Variants in IL1RL2 observed in about 807,000 individuals in gnomAD.
The protein encoded by IL1RL2 is interleukin 1 receptor like 2, also known as interleukin-1 receptor-like 2.
In IL1RL2, 68 loss-of-function variants were observed where a neutral mutation model predicts 66.8. The ratio of observed to expected loss-of-function variants is 1.02; its 90% confidence interval spans 0.84 to 1.25. The LOEUF is 1.25. Ranked by LOEUF, IL1RL2 falls within the 50% of genes most tolerant of loss-of-function variation. The pLI, the probability that IL1RL2 is intolerant of heterozygous loss-of-function variation, is 0.00. For synonymous variants in IL1RL2, 305 were observed against 264.6 expected (o/e 1.15, Z -1.48); for missense variants, 729 against 709.3 (o/e 1.03, Z -0.32).
intron 3 of IL1RL2, among the ~76,000 whole-genome samples, chr2:102,189,712 G>C (rs1451271354): frequency 1.3e-5 from 2 of 152,188 alleles, no homozygotes; most frequent in Non-Finnish European, 2.9e-5. Context: ...CCGCCTCCCA[G>C]GTTCAAGTGA....
intron 5 of IL1RL2, among the ~76,000 whole-genome samples, chr2:102,203,906 A>G (rs528989729): frequency 3.3e-5 from 5 of 150,112 alleles, no homozygotes; most frequent in Admixed American, 2.0e-4. Context: ...TTTCAATTTC[A>G]TTTATTTCTT....
rs765158957 is a variant in IL1RL2, at chr2:102,191,892, A to G, written c.294-33A>G. On this transcript the variant is annotated intron_variant, in intron 3 of 11. Transcript: ENST00000264257. ...ATTATTTGATTTTGTGATTTGTTTT[A>G]AAGAGTTTATGAGGTCTCAATCTGT... 7.2e-6 allele frequency: 10 copies of G among 1,380,042 alleles called. 1 individual carries two copies. Among genetic ancestry groups the G allele is most frequent in the Non-Finnish European group, 1.0e-5 (10 of 997,584 alleles). 85.5% of individuals were successfully genotyped at this position (1,380,042 alleles called of 1,614,324 possible). A position where few individuals can be genotyped will look rare whatever the true frequency, so the allele number is the denominator to read the frequency against.
At chr2:102,219,666 C>A (rs577958003) in intron 7 of IL1RL2, among the ~76,000 whole-genome samples, 118 of 152,220 alleles carry the variant, frequency 7.8e-4, no homozygotes, top group African/African-American at 2.8e-3. Context: ...CTGTAGCTAA[C>A]AGAACCATAC....
At chr2:102,196,257 G>C (rs1419082020) in intron 4 of IL1RL2, among the ~76,000 whole-genome samples, 1 of 152,052 alleles carries the variant, frequency 6.6e-6, no homozygotes, top group Non-Finnish European at 1.5e-5. Context: ...CATGGGTGGC[G>C]CTTAGATGCC....
intron 4 of IL1RL2, among the ~76,000 whole-genome samples, chr2:102,196,066 T>C (rs7560478): frequency 0.15 from 23,534 of 151,978 alleles, 2,264 homozygotes; most frequent in Admixed American, 0.29. Context: ...TTTGTATAAG[T>C]CCTCTGCTTT....
At chr2:102,229,878 T>A (rs1022945628) in intron 9 of IL1RL2, among the ~76,000 whole-genome samples, 2 of 152,222 alleles carry the variant, frequency 1.3e-5, no homozygotes, top group Admixed American at 6.5e-5. Context: ...CAAGTACCTA[T>A]ATCCTCAGAC....
chr2:102,241,802 G>A (rs191988143), downstream of IL1RL2, among the ~76,000 whole-genome samples: 115 of 152,332 alleles, frequency 7.5e-4, no homozygotes, highest in African/African-American at 2.7e-3. Flanking sequence ...GTGTATCACC[G>A]GCTGGGTATT....
In IL1RL2 at chr2:102,235,091, C is replaced by A; in HGVS notation, c.1492C>A (p.Pro498Thr). 1.9e-6 allele frequency: 3 copies of A among 1,614,164 alleles called. No homozygotes were observed. In the South Asian group the frequency reaches 3.3e-5, roughly 18 times the overall value. The change falls in exon 11 of 12, where the codon CCA becomes ACA. Residue 498 changes from proline to threonine, a missense_variant. Pro to Thr is a conservative substitution (Grantham distance 38, BLOSUM62 -1). Transcript: ENST00000264257. Reference sequence around the variant, plus strand: ...GAAAATCGAGGACTACACAGTCATGCCAGAGTCAATTCAGTACATCAAACA... The same window carrying A: ...GAAAATCGAGGACTACACAGTCATGACAGAGTCAATTCAGTACATCAAACA... The part of the protein sequence containing the change: ...LEKIEDYTVM[P>T]ESIQYIKQKH...
intron 10 of IL1RL2, 73 bp downstream of exon 10, chr2:102,233,197 A>G (rs111368332): frequency 3.5e-6 from 5 of 1,419,388 alleles, no homozygotes; most frequent in Non-Finnish European, 4.8e-6. Flanking sequence ...CCACTTTACT[A>G]ATGGCGGTGA....
chr2:102,227,432 T>C (rs1354179957), intron 9 of IL1RL2, among the ~76,000 whole-genome samples: 1 of 152,228 alleles, frequency 6.6e-6, no homozygotes, highest in Non-Finnish European at 1.5e-5. Context: ...AAATTAAATT[T>C]CTGAATTCAG....
intron 8 of IL1RL2, 61 bp from the exon 9 acceptor site, chr2:102,225,837 T>C: frequency 7.5e-7 from 1 of 1,330,180 alleles, no homozygotes; most frequent in Non-Finnish European, 1.0e-6. Context: ...AAGTATATAA[T>C]GGACTCTTTG....
rs112303872 is a variant in IL1RL2 at position 102,192,140 on chromosome 2, T to C, written c.489+20T>C. On this transcript the variant is annotated intron_variant, in intron 4 of 11. Transcript: ENST00000264257. ...TATAAGGTAAAAAAGAATTTTCTTA[T>C]TGATATTTTTCCTCCTTTTCTTTAA... is the stretch of plus-strand genomic sequence containing the variant. 195 of 1,505,468 alleles carry C rather than the reference T, an allele frequency of 1.3e-4. 3 individuals are homozygous for C. The African/African-American group carries it at 2.5e-3, about 19-fold the overall frequency. The allele number at this position is 1,505,468 out of a possible 1,614,324, so 93.3% of individuals were successfully genotyped here.
intron 4 of IL1RL2, among the ~76,000 whole-genome samples, chr2:102,200,281 T>C (rs140255882): frequency 1.2e-4 from 19 of 152,314 alleles, no homozygotes; most frequent in Non-Finnish European, 2.4e-4. Flanking sequence ...CAGGTATTTA[T>C]AGGGAAATAA....
intron 5 of IL1RL2, among the ~76,000 whole-genome samples, chr2:102,204,146 C>A (rs1578125273): frequency 6.6e-6 from 1 of 152,124 alleles, no homozygotes; most frequent in East Asian, 1.9e-4. Context: ...ACCCACTGGT[C>A]ATTCAGAAGC....
intron 9 of IL1RL2, among the ~76,000 whole-genome samples, chr2:102,228,896 G>T (rs940374391): frequency 4.6e-5 from 7 of 152,194 alleles, no homozygotes; most frequent in Non-Finnish European, 8.8e-5. Flanking sequence ...CCCACAGGGA[G>T]TCCTCATTTC....
rs377004626 is a variant in IL1RL2 at position 102,195,635 on chromosome 2, C to T, written c.489+3515C>T. The stretch of plus-strand genomic sequence containing the variant: ...TTTCTTTCTTTCTTTCTTTCTCTCT[C>T]TCTCTCTCTCTCTTTCTTTCTTTCT... On this transcript the variant is annotated intron_variant, in intron 4 of 11. Transcript: ENST00000264257. Among the ~76,000 whole-genome samples, 237 of 28,494 alleles carry T rather than the reference C, an allele frequency of 8.3e-3. 1 individual carries two copies. The highest frequency in any genetic ancestry group is 0.015 in the African/African-American group (167 of 11,256). The allele number at this position is 28,494 out of a possible 152,430, so 18.7% of individuals were successfully genotyped here.
At chr2:102,232,891 C>T (rs921031911) in intron 9 of IL1RL2, 72 bp from the exon 10 acceptor site, 4 of 1,536,666 alleles carry the variant, frequency 2.6e-6, no homozygotes, top group African/African-American at 1.4e-5. Flanking sequence ...GGTAGCCGCT[C>T]AGGCTTCCGG....
intron 3 of IL1RL2, 138 bp from the exon 4 acceptor site, chr2:102,191,787 G>T: frequency 1.7e-6 from 1 of 600,974 alleles, no homozygotes; most frequent in Non-Finnish European, 2.9e-6. Flanking sequence ...AATCATTTGT[G>T]GATGCTTAGT....
At chr2:102,191,828 G>A in intron 3 of IL1RL2, 97 bp from the exon 4 acceptor site, 1 of 836,638 alleles carries the variant, frequency 1.2e-6, no homozygotes, top group Non-Finnish European at 1.9e-6. Flanking sequence ...TTTGCACAGT[G>A]CTGTGAAAAT....
Sources: allele counts gnomAD v4.1 joint callset (sites outside exome capture counted in the v4.1 genomes callset), GRCh38; gene constraint gnomAD v4.1.1; transcripts MANE v1.5; gene names NCBI Gene and HGNC (gene_info 2026-07-23, HGNC 2026-07-21).